DISC1: variants seen among roughly 807,000 people sequenced by gnomAD.
DISC1 encodes the protein disrupted in schizophrenia 1 protein.
Under a neutral mutation model 84.5 loss-of-function variants are expected in DISC1, and 57 were observed. The observed-to-expected ratio is 0.67, with a 90% CI of 0.55 to 0.84. DISC1 has a LOEUF of 0.84. DISC1 is among the 40% of genes least tolerant of loss of function. The pLI is 0.00. For synonymous variants in DISC1, 411 were observed against 415.2 expected, an observed-to-expected ratio of 0.99 and a Z score of 0.12; for missense variants, 1,000 against 1,057.8, an observed-to-expected ratio of 0.95 and a Z score of 0.76.
intron 1 of DISC1, among the ~76,000 whole-genome samples, chr1:231,642,197 C>T (rs1164471382): frequency 6.6e-6 from 1 of 152,172 alleles, no homozygotes; most frequent in Admixed American, 6.5e-5. Flanking sequence ...CCGGCCACTC[C>T]GAGTGCGGAC....
At chr1:231,752,633 T>C (rs2074735714) in intron 4 of DISC1, among the ~76,000 whole-genome samples, 3 of 152,202 alleles carry the variant, frequency 2.0e-5, no homozygotes, top group Admixed American at 2.0e-4. Context: ...CTCATGTTTT[T>C]CTCACATTGC....
intron 10 of DISC1, among the ~76,000 whole-genome samples, chr1:231,987,044 T>A (rs770910211): frequency 1.3e-5 from 2 of 152,218 alleles, no homozygotes; most frequent in Non-Finnish European, 2.9e-5. Context: ...GTCGGTCTGT[T>A]CATGAGAAAG....
At position 231,934,977 on chromosome 1, in the gene DISC1, T is replaced by A. The variant is rs2090890563; in HGVS notation, c.1982-23851T>A. 2.0e-5 allele frequency among the ~76,000 whole-genome samples: 3 copies of A among 152,234 alleles called. No homozygotes were observed. The South Asian group carries it at 6.2e-4, about 31-fold the overall frequency. On this transcript the variant is annotated intron_variant, in intron 9 of 12. Transcript: ENST00000439617. ...TGAACACGCTGCAGGGATTAACTTG[T>A]GGTTGGGACTGAGCCAGAGAGATAA...
chr1:231,918,528 A>G (rs563078171), intron 9 of DISC1, among the ~76,000 whole-genome samples: 1 of 152,238 alleles, frequency 6.6e-6, no homozygotes, highest in South Asian at 2.1e-4. Flanking sequence ...GCCTGTGTGC[A>G]TACAACATGT....
chr1:231,694,762 C>T lies in DISC1; in HGVS notation c.1004C>T (p.Pro335Leu). ...SWDTLLRKWE[P>L]VLRDCLLRNR... Reference sequence around the variant, plus strand: ...GACACCCTGCTCAGGAAATGGGAGCCAGTGCTGCGGGACTGCCTGCTGAGA... The same window carrying T: ...GACACCCTGCTCAGGAAATGGGAGCTAGTGCTGCGGGACTGCCTGCTGAGA... The change falls in exon 2 of 13, where the codon CCA becomes CTA. Residue 335 changes from proline to leucine, a missense_variant. Pro to Leu is a moderately conservative substitution (Grantham distance 98). This residue lies in a region of DISC1 where 311 missense variants were observed against 400.1 expected (regional missense o/e 0.78). Transcript: ENST00000439617. The T allele has an allele frequency of 6.2e-7, 1 of 1,614,002 alleles. No individual in the cohort carries two copies. The highest frequency in any genetic ancestry group is 1.1e-5 in the South Asian group (1 of 91,084).
At chr1:231,640,818 G>A (rs2059580217) in intron 1 of DISC1, among the ~76,000 whole-genome samples, 1 of 152,166 alleles carries the variant, frequency 6.6e-6, no homozygotes, top group African/African-American at 2.4e-5. Flanking sequence ...TTATAGGCAT[G>A]AGCCACCACG....
chr1:231,787,376 AAGAG>A (rs141021977), intron 6 of DISC1, among the ~76,000 whole-genome samples: 5 of 151,058 alleles, frequency 3.3e-5, no homozygotes, highest in African/African-American at 1.2e-4. Flanking sequence ...GCAGAAGGGC[AAGAG>A]AGAGAGAGAG....
At chr1:231,646,250 G>A (rs868161935) in intron 1 of DISC1, among the ~76,000 whole-genome samples, 1 of 151,474 alleles carries the variant, frequency 6.6e-6, no homozygotes, top group African/African-American at 2.4e-5. Context: ...GAGAACATGC[G>A]GTGTTTGATT....
At chr1:231,713,813 TATATATATAGGAGAGATATATATAGGAG>T (rs1558401730) in intron 3 of DISC1, among the ~76,000 whole-genome samples, 6 of 143,122 alleles carry the variant, frequency 4.2e-5, no homozygotes, top group African/African-American at 1.3e-4. Context: ...ATATAGGAGA[TATATATATAGGAGAGATATATATAGGAG>T]ATATATATAT....
chr1:232,036,807 T>G lies in DISC1; in HGVS notation c.2541T>G (p.Ala847=), dbSNP rs778472143. 1 of 1,566,320 alleles carries G rather than the reference T, an allele frequency of 6.4e-7. No homozygotes were observed. Among genetic ancestry groups the G allele is most frequent in the Non-Finnish European group, 8.7e-7 (1 of 1,153,800 alleles). The change falls in exon 13 of 13, where the codon GCT becomes GCG. Residue 847 remains alanine, a synonymous_variant. Coordinates refer to ENST00000439617, the MANE Select transcript of DISC1 (RefSeq NM_018662.3). ...AAGCTGCAGCTTCCTGCATGACAGC[T>G]GGTGTCCACGAAGCACAAGCCTGAG... is the stretch of plus-strand genomic sequence containing the variant. ...EREAAASCMT[A]GVHEAQA
At chr1:231,925,252 C>G (rs910765849) in intron 9 of DISC1, among the ~76,000 whole-genome samples, 1 of 152,210 alleles carries the variant, frequency 6.6e-6, no homozygotes, top group Non-Finnish European at 1.5e-5. Flanking sequence ...AAAGTCACAT[C>G]TGACTCCAAA....
intron 1 of DISC1, among the ~76,000 whole-genome samples, chr1:231,686,815 T>A (rs1483729367): frequency 6.6e-6 from 1 of 152,210 alleles, no homozygotes; most frequent in African/African-American, 2.4e-5. Flanking sequence ...TATATCTGAA[T>A]GCCTTTAACA....
chr1:231,749,233 TG>T (rs2074337493), intron 3 of DISC1, among the ~76,000 whole-genome samples: 1 of 152,052 alleles, frequency 6.6e-6, no homozygotes, highest in Non-Finnish European at 1.5e-5. Flanking sequence ...TTTTTTTTGG[TG>T]GGGGTAGGGG....
intron 3 of DISC1, among the ~76,000 whole-genome samples, chr1:231,736,583 C>G (rs1004938428): frequency 6.6e-6 from 1 of 152,220 alleles, no homozygotes; most frequent in Non-Finnish European, 1.5e-5. Context: ...ATAAACTCAA[C>G]AAACTCCAGT....
chr1:231,952,106 A>G (rs1236294400), intron 9 of DISC1, among the ~76,000 whole-genome samples: 2 of 150,732 alleles, frequency 1.3e-5, no homozygotes, highest in African/African-American at 4.8e-5. Flanking sequence ...AAAAAAAAAA[A>G]AAAAAAAGAA....
rs542655673 is a variant in DISC1, at chr1:231,693,097, A to C, written c.68-729A>C. On this transcript the variant is annotated intron_variant, in intron 1 of 12. Coordinates refer to ENST00000439617, the MANE Select transcript of DISC1 (RefSeq NM_018662.3). ...CTGATGGGGAAACTGAGGCACAGAG[A>C]GGTTAAGTAACTTGTGGAAGGTCAC... Among the ~76,000 whole-genome samples the C allele has an allele frequency of 3.9e-5, 6 of 152,350 alleles. No homozygotes were observed. In the South Asian group the frequency reaches 8.3e-4, roughly 21 times the overall value.
intron 6 of DISC1, among the ~76,000 whole-genome samples, chr1:231,785,425 A>G (rs1490353646): frequency 6.6e-6 from 1 of 151,906 alleles, no homozygotes; most frequent in East Asian, 1.9e-4. Flanking sequence ...GACCACAGAC[A>G]CATGCCACCA....
rs773954371 is a variant in DISC1 at position 232,031,729 on chromosome 1, G to A, written c.2426-4963G>A. On this transcript the variant is annotated intron_variant, in intron 12 of 12. Transcript: ENST00000439617. This position sits in a 1 kb window ranked among gnomAD's most constrained non-coding sequence, Gnocchi z 4.6. ...GGCTGTCCTGCTGCTGGCTGAGCAC[G>A]AGGTGGGCTTGGCACAAGGTAGGCA... 6.6e-6 allele frequency among the ~76,000 whole-genome samples: 1 copy of A among 152,170 alleles called. No homozygotes were observed. The highest frequency in any genetic ancestry group is 1.5e-5 in the Non-Finnish European group (1 of 68,032).
intron 3 of DISC1, among the ~76,000 whole-genome samples, chr1:231,748,300 T>A (rs1282122274): frequency 6.6e-6 from 1 of 152,220 alleles, no homozygotes; most frequent in Non-Finnish European, 1.5e-5. Context: ...CAGTTGGGCA[T>A]CCTTGTGCTG....
Sources: allele counts gnomAD v4.1 joint callset (sites outside exome capture counted in the v4.1 genomes callset), GRCh38; gene constraint gnomAD v4.1.1; regional missense constraint gnomAD v4.1.1; non-coding constraint Gnocchi (gnomAD v3.1); transcripts MANE v1.5; gene names NCBI Gene and HGNC (gene_info 2026-07-23, HGNC 2026-07-21).